CCDC68: variants seen among roughly 807,000 people sequenced by gnomAD.
The protein encoded by CCDC68 is coiled-coil domain-containing protein 68.
A neutral mutation model predicts 47.1 loss-of-function variants in CCDC68; 45 were observed. That is an observed-to-expected ratio of 0.96 (90% confidence interval 0.75 to 1.23). The LOEUF is 1.23. Ranked by LOEUF, CCDC68 falls within the 50% of genes most tolerant of loss-of-function variation. The pLI, the probability that CCDC68 is intolerant of heterozygous loss-of-function variation, is 0.00. For missense variants in CCDC68, 353 were observed against 373.6 expected, an observed-to-expected ratio of 0.94 and a Z score of 0.45; for synonymous variants, 131 against 129.5, an observed-to-expected ratio of 1.01 and a Z score of -0.08.
chr18:54,919,461 C>T, intron 8 of CCDC68, 85 bp from the exon 9 acceptor site: 8 of 1,042,530 alleles, frequency 7.7e-6, no homozygotes, highest in Non-Finnish European at 1.2e-5. Flanking sequence ...CCCTCCTACA[C>T]ACTCTACTGC....
At chr18:54,948,155 G>A (rs146979825) in intron 1 of CCDC68, among the ~76,000 whole-genome samples, 1 of 152,216 alleles carries the variant, frequency 6.6e-6, no homozygotes, top group East Asian at 1.9e-4. Flanking sequence ...CTCAGAATGG[G>A]ACCTTATTTA....
chr18:54,911,077 T>G (rs1439609983), intron 10 of CCDC68, among the ~76,000 whole-genome samples: 1 of 152,154 alleles, frequency 6.6e-6, no homozygotes, highest in African/African-American at 2.4e-5. Flanking sequence ...GAGATGGCAA[T>G]AGACCCTCCA....
chr18:54,907,712 T>C, intron 11 of CCDC68, 74 bp downstream of exon 11: 2 of 826,700 alleles, frequency 2.4e-6, no homozygotes, highest in South Asian at 2.9e-5. Context: ...CTGGAATCTT[T>C]CTTGAGTGGG....
intron 3 of CCDC68, 35 bp from the exon 4 acceptor site, chr18:54,941,118 G>A (rs781771609): frequency 4.7e-6 from 7 of 1,484,222 alleles, no homozygotes; most frequent in African/African-American, 1.4e-5. Context: ...TGTTTCAAAG[G>A]CATTTAATGC....
intron 7 of CCDC68, among the ~76,000 whole-genome samples, chr18:54,934,121 A>G (rs2145529844): frequency 6.6e-6 from 1 of 152,332 alleles, no homozygotes; most frequent in South Asian, 2.1e-4. Flanking sequence ...CAGAGATGCC[A>G]GTTTTCTCTT....
Position 54,907,702 on chromosome 18 carries a change from CT to C in CCDC68, c.950+83del. 4 of 770,142 alleles carry C rather than the reference CT, an allele frequency of 5.2e-6. No homozygotes were observed. The Admixed American group carries it at 7.9e-5, about 15-fold the overall frequency. 47.7% of individuals were successfully genotyped at this position (770,142 alleles called of 1,614,324 possible). On this transcript the variant is annotated intron_variant, in intron 11 of 11. Coordinates refer to ENST00000591504, the MANE Select transcript of CCDC68 (RefSeq NM_025214.3). ...AAATGATTACATAAGCAGTGACAGA[CT>C]GGAATCTTTCTTGAGTGGGTTGAAT...
At chr18:54,932,318 G>A (rs1363862767) in intron 7 of CCDC68, among the ~76,000 whole-genome samples, 2 of 151,540 alleles carry the variant, frequency 1.3e-5, no homozygotes, top group South Asian at 4.2e-4. Context: ...CAGAGTAGCT[G>A]GGACTACAAG....
intron 7 of CCDC68, 111 bp downstream of exon 7, chr18:54,934,709 A>G: frequency 1.2e-6 from 1 of 801,354 alleles, no homozygotes; most frequent in Non-Finnish European, 1.7e-6. Flanking sequence ...GAATACTTTC[A>G]CATAATATTA....
At chr18:54,928,530 C>G (rs2044184460) in intron 8 of CCDC68, among the ~76,000 whole-genome samples, 1 of 152,164 alleles carries the variant, frequency 6.6e-6, no homozygotes, top group Non-Finnish European at 1.5e-5. Context: ...CACTCATTCA[C>G]TCTTTAGAAG....
At chr18:54,936,155 TTATTA>T (rs1444932044) in intron 6 of CCDC68, among the ~76,000 whole-genome samples, 1 of 145,600 alleles carries the variant, frequency 6.9e-6, no homozygotes, top group African/African-American at 2.5e-5. Flanking sequence ...ATATATTTAT[TTATTA>T]TATTAGATAT....
chr18:54,941,706 G>A (rs958009795), intron 3 of CCDC68, among the ~76,000 whole-genome samples: 35 of 152,242 alleles, frequency 2.3e-4, no homozygotes, highest in South Asian at 8.3e-4. Context: ...GGTAAAATAT[G>A]AAATTTCTCT....
chr18:54,904,124 A>G lies in CCDC68; in HGVS notation c.*234T>C, dbSNP rs1913842639. ...TAATTTAAAGCAGAATCTGTCTTCCATCATGAGAAGGCACCTGGTTTCTTC... is the reference window on the plus strand; with the variant it reads ...TAATTTAAAGCAGAATCTGTCTTCCGTCATGAGAAGGCACCTGGTTTCTTC... On this transcript the variant is annotated 3_prime_UTR_variant, in exon 12 of 12. Coordinates refer to ENST00000591504, the MANE Select transcript of CCDC68 (RefSeq NM_025214.3). 3 of 367,946 alleles carry G rather than the reference A, an allele frequency of 8.2e-6. No homozygotes were observed. The highest frequency in any genetic ancestry group is 2.1e-5 in the African/African-American group (1 of 47,182). The allele number at this position is 367,946 out of a possible 1,614,324, so 22.8% of individuals were successfully genotyped here. A position where few individuals can be genotyped will look rare whatever the true frequency, so the allele number is the denominator to read the frequency against.
At chr18:54,929,466 AT>A (rs1163423821) in intron 7 of CCDC68, among the ~76,000 whole-genome samples, 1 of 152,204 alleles carries the variant, frequency 6.6e-6, no homozygotes. Flanking sequence ...CCTTAATTTG[AT>A]TATTAAGCCA....
chr18:54,931,724 T>A (rs1255325831), intron 7 of CCDC68, among the ~76,000 whole-genome samples: 1 of 152,210 alleles, frequency 6.6e-6, no homozygotes, highest in Non-Finnish European at 1.5e-5. Context: ...CATATTAAAA[T>A]GCTCTTATTG....
At position 54,942,630 on chromosome 18, in the gene CCDC68, C is replaced by G. The variant is rs371801513; in HGVS notation, c.117+45G>C. On this transcript the variant is annotated intron_variant, in intron 3 of 11. Coordinates refer to ENST00000591504, the MANE Select transcript of CCDC68 (RefSeq NM_025214.3). The stretch of plus-strand genomic sequence containing the variant: ...TCCTCCAGCCCATATTGGAATTTCT[C>G]TTTAAAAAATCATATCATACTAATG... 4 of 1,207,050 alleles carry G rather than the reference C, an allele frequency of 3.3e-6. No homozygotes were observed. The Admixed American group carries it at 8.0e-5, about 24-fold the overall frequency. The allele number at this position is 1,207,050 out of a possible 1,614,324, so 74.8% of individuals were successfully genotyped here. A position where few individuals can be genotyped will look rare whatever the true frequency, so the allele number is the denominator to read the frequency against.
At chr18:54,943,069 T>A (rs977925673) in intron 2 of CCDC68, 2 of 261,172 alleles carry the variant, frequency 7.7e-6, no homozygotes, top group Non-Finnish European at 7.2e-6. Flanking sequence ...CAGTATCATC[T>A]CAGACTGTAA....
At chr18:54,910,790 T>C (rs1431806278) in intron 10 of CCDC68, among the ~76,000 whole-genome samples, 1 of 152,210 alleles carries the variant, frequency 6.6e-6, no homozygotes, top group Admixed American at 6.5e-5. Context: ...AACCCGAGCA[T>C]GCACACACCC....
intron 10 of CCDC68, among the ~76,000 whole-genome samples, chr18:54,917,611 T>C (rs557592068): frequency 5.0e-4 from 76 of 152,330 alleles, no homozygotes; most frequent in African/African-American, 1.8e-3. Context: ...CTTTTTTCCA[T>C]AGTGCTAATT....
chr18:54,931,346 G>A (rs545724480), intron 7 of CCDC68, among the ~76,000 whole-genome samples: 1 of 152,206 alleles, frequency 6.6e-6, no homozygotes, highest in African/African-American at 2.4e-5. Context: ...ACCACACAGT[G>A]GGCAACCCCA....
Sources: allele counts gnomAD v4.1 joint callset (sites outside exome capture counted in the v4.1 genomes callset), GRCh38; gene constraint gnomAD v4.1.1; transcripts MANE v1.5; gene names NCBI Gene and HGNC (gene_info 2026-07-23, HGNC 2026-07-21).